GRID1: variants seen among roughly 807,000 people sequenced by gnomAD.
GRID1 encodes glutamate ionotropic receptor delta type subunit 1.
GRID1 carries 28 observed loss-of-function variants against 98.0 expected under a neutral mutation model. The ratio of observed to expected loss-of-function variants is 0.29; its 90% confidence interval spans 0.21 to 0.39. GRID1 has a LOEUF of 0.39. Ranked by LOEUF, GRID1 falls within the 10% of genes least tolerant of loss-of-function variation. The pLI is 1.00. For missense variants in GRID1, 1,111 were observed against 1,340.5 expected (o/e 0.83, Z 2.67); for synonymous variants, 553 against 538.5 (o/e 1.03, Z -0.37).
rs187246377 is a variant in GRID1, at chr10:86,335,747, G to C, written c.235+28194C>G. Reference sequence around the variant, plus strand: ...GACAAACAGCTGAGAGCTATATGAAGAGATGCCCAGCCAATGGCCATGGAG... The same window carrying C: ...GACAAACAGCTGAGAGCTATATGAACAGATGCCCAGCCAATGGCCATGGAG... On this transcript the variant is annotated intron_variant, in intron 2 of 15. Coordinates refer to ENST00000327946, the MANE Select transcript of GRID1 (RefSeq NM_017551.3). Among the ~76,000 whole-genome samples the C allele has an allele frequency of 3.1e-3, 479 of 152,348 alleles. 2 individuals are homozygous for C. Among genetic ancestry groups the C allele is most frequent in the Admixed American group, 0.026 (391 of 15,312 alleles).
At chr10:85,994,428 A>T (rs1458056344) in intron 4 of GRID1, among the ~76,000 whole-genome samples, 1 of 152,204 alleles carries the variant, frequency 6.6e-6, no homozygotes, top group East Asian at 1.9e-4. Context: ...CAATAATCTC[A>T]ATCCTAGCAC....
At chr10:85,740,188 T>C (rs1412071497) in intron 8 of GRID1, among the ~76,000 whole-genome samples, 1 of 152,200 alleles carries the variant, frequency 6.6e-6, no homozygotes, top group East Asian at 1.9e-4. Flanking sequence ...CAAGCCAGGC[T>C]GGAATTCTGT....
At chr10:86,363,619 A>T (rs886514283) in intron 2 of GRID1, among the ~76,000 whole-genome samples, 1 of 151,962 alleles carries the variant, frequency 6.6e-6, no homozygotes, top group African/African-American at 2.4e-5. Context: ...CGAGAAACAA[A>T]GACTGCCCCG....
chr10:85,946,098 T>A (rs1315497409), intron 4 of GRID1, among the ~76,000 whole-genome samples: 1 of 152,212 alleles, frequency 6.6e-6, no homozygotes, highest in Non-Finnish European at 1.5e-5. Flanking sequence ...AGTTTGTTTT[T>A]TAATGAGAGA....
chr10:85,815,505 T>A (rs1332319908), intron 8 of GRID1, among the ~76,000 whole-genome samples: 2 of 151,992 alleles, frequency 1.3e-5, no homozygotes, highest in Non-Finnish European at 2.9e-5. Context: ...AACTAAACAA[T>A]TATATTAAAA....
chr10:86,050,707 T>C (rs536218030), intron 4 of GRID1, among the ~76,000 whole-genome samples: 5 of 152,088 alleles, frequency 3.3e-5, no homozygotes, highest in African/African-American at 7.2e-5. Context: ...ATGAAAAACA[T>C]GGAAAGATAC....
At chr10:86,302,010 T>C (rs972073382) in intron 2 of GRID1, among the ~76,000 whole-genome samples, 1 of 152,222 alleles carries the variant, frequency 6.6e-6, no homozygotes, top group African/African-American at 2.4e-5. Flanking sequence ...GCCACCTGAC[T>C]GGCCCTCACT....
intron 2 of GRID1, among the ~76,000 whole-genome samples, chr10:86,306,518 G>A (rs1017832433): frequency 2.6e-5 from 4 of 152,208 alleles, no homozygotes; most frequent in African/African-American, 7.2e-5. Flanking sequence ...GAAACCTGTG[G>A]TAACCTGGGC....
chr10:86,089,202 T>A (rs753913688), intron 4 of GRID1, among the ~76,000 whole-genome samples: 7 of 152,152 alleles, frequency 4.6e-5, no homozygotes, highest in Non-Finnish European at 1.0e-4. Context: ...ACCGCCCCCC[T>A]ACATGGTGTC....
At chr10:85,869,765 G>A (rs1843258892) in intron 5 of GRID1, among the ~76,000 whole-genome samples, 1 of 152,112 alleles carries the variant, frequency 6.6e-6, no homozygotes, top group Non-Finnish European at 1.5e-5. Flanking sequence ...GCCCTATCCT[G>A]TCCCATAAAT....
At chr10:85,920,722 G>A (rs888202106) in intron 4 of GRID1, among the ~76,000 whole-genome samples, 10 of 152,162 alleles carry the variant, frequency 6.6e-5, no homozygotes, top group South Asian at 4.1e-4. Context: ...GTGATGACCC[G>A]GTCAGACAAG....
intron 8 of GRID1, among the ~76,000 whole-genome samples, chr10:85,841,856 A>T (rs1297610760): frequency 6.6e-6 from 1 of 152,138 alleles, no homozygotes; most frequent in Admixed American, 6.5e-5. Context: ...GAGAAAAGGG[A>T]ACACTTATAT....
rs139904027 is a variant in GRID1 at position 86,036,183 on chromosome 10, G to A, written c.726+102636C>T. Among the ~76,000 whole-genome samples the A allele has an allele frequency of 3.3e-5, 5 of 152,332 alleles. No homozygotes were observed. The East Asian group carries it at 9.7e-4, about 29-fold the overall frequency. ...TAGCCTGCTAAGCCCTGGGCAGACTGGTACTGGGTGGCTACGACAAGGGAC... is the reference window on the plus strand; with the variant it reads ...TAGCCTGCTAAGCCCTGGGCAGACTAGTACTGGGTGGCTACGACAAGGGAC... On this transcript the variant is annotated intron_variant, in intron 4 of 15. Transcript: ENST00000327946.
chr10:85,683,374 T>A lies in GRID1; in HGVS notation c.1998-35977A>T, dbSNP rs117665433. On this transcript the variant is annotated intron_variant, in intron 12 of 15. Coordinates refer to ENST00000327946, the MANE Select transcript of GRID1 (RefSeq NM_017551.3). ...TGACGAGATCTCTATGCCTTAAGAG[T>A]GGAAATTTTTAAAATAGTGCTCTGA... 2.2e-3 allele frequency among the ~76,000 whole-genome samples: 336 copies of A among 152,086 alleles called. 2 individuals are homozygous for A. Among genetic ancestry groups the A allele is most frequent in the Non-Finnish European group, 3.5e-3 (235 of 67,980 alleles).
intron 12 of GRID1, among the ~76,000 whole-genome samples, chr10:85,710,749 T>TATA (rs1841572745): frequency 6.6e-6 from 1 of 151,944 alleles, no homozygotes; most frequent in South Asian, 2.1e-4. Flanking sequence ...AAGAACCCCT[T>TATA]CAACTTAATA....
At chr10:86,139,944 T>C (rs1047142647) in intron 3 of GRID1, among the ~76,000 whole-genome samples, 4 of 152,196 alleles carry the variant, frequency 2.6e-5, no homozygotes, top group Non-Finnish European at 4.4e-5. Flanking sequence ...TAGAAGCCAT[T>C]TGGCTTTCCC....
At chr10:86,174,664 T>G (rs930796441) in intron 3 of GRID1, among the ~76,000 whole-genome samples, 22 of 151,242 alleles carry the variant, frequency 1.5e-4, no homozygotes, top group African/African-American at 5.1e-4. Flanking sequence ...ACTAAAGAGC[T>G]TCTGCACAGC....
At chr10:86,017,766 A>T (rs181845699) in intron 4 of GRID1, among the ~76,000 whole-genome samples, 50 of 152,324 alleles carry the variant, frequency 3.3e-4, no homozygotes, top group African/African-American at 1.2e-3. Context: ...AGTAGTTCTG[A>T]GCATGTTGCA....
intron 4 of GRID1, among the ~76,000 whole-genome samples, chr10:86,133,347 T>C (rs953587785): frequency 2.0e-5 from 3 of 152,134 alleles, no homozygotes; most frequent in African/African-American, 4.8e-5. Context: ...TGTGCACAAA[T>C]GCATGCCTGG....
Sources: gnomAD v4.1 joint callset for allele counts (sites outside exome capture counted in the v4.1 genomes callset) on GRCh38, gnomAD v4.1.1 for gene constraint, MANE v1.5 for transcripts, NCBI Gene and HGNC (gene_info 2026-07-23, HGNC 2026-07-21) for gene names.